Variants in PCDHGA8 observed in about 807,000 individuals in gnomAD.
The protein encoded by PCDHGA8 is protocadherin gamma subfamily A, 8.
Under a neutral mutation model 59.2 loss-of-function variants are expected in PCDHGA8, and 45 were observed. The observed-to-expected ratio is 0.76, with a 90% CI of 0.60 to 0.98. The LOEUF is 0.98. Ranked by LOEUF, PCDHGA8 falls within the 50% of genes least tolerant of loss-of-function variation. PCDHGA8 has a pLI of 0.00. For synonymous variants in PCDHGA8, 531 were observed against 519.0 expected (o/e 1.02, Z -0.32); for missense variants, 1,257 against 1,196.2 (o/e 1.05, Z -0.75).
intron 1 of PCDHGA8, among the ~76,000 whole-genome samples, chr5:141,436,477 G>A (rs748354852): frequency 1.3e-5 from 2 of 152,168 alleles, no homozygotes; most frequent in Non-Finnish European, 2.9e-5. Context: ...ATGTATCATA[G>A]AAGGATAGCA....
intron 1 of PCDHGA8, chr5:141,416,339 A>T (rs2096016775): frequency 6.6e-6 from 1 of 152,218 alleles, no homozygotes; most frequent in African/African-American, 2.4e-5. Context: ...TCATTGCTCA[A>T]TAGGGATCCT....
chr5:141,409,164 C>G (rs115772303), intron 1 of PCDHGA8: 18 of 1,613,792 alleles, frequency 1.1e-5, no homozygotes, highest in Non-Finnish European at 1.4e-5. Flanking sequence ...GAAGTGGAAG[C>G]GAAGGACGGA....
intron 1 of PCDHGA8, chr5:141,410,843 C>CTT: frequency 4.6e-6 from 1 of 216,280 alleles, no homozygotes; most frequent in South Asian, 8.0e-5. Flanking sequence ...GATATTTTGT[C>CTT]TTTGTCTTTT....
chr5:141,465,546 T>C (rs572856697), intron 1 of PCDHGA8, among the ~76,000 whole-genome samples: 1 of 152,338 alleles, frequency 6.6e-6, no homozygotes, highest in South Asian at 2.1e-4. Context: ...GCATTTTTTC[T>C]GCTGAAGCTT....
Position 141,487,491 on chromosome 5 carries a change from C to T in PCDHGA8, c.2425-7316C>T. ...GTGGGAGGCCACTCTCATGGCTGTA[C>T]ACCCTTGGCTTCTGCACCCACTCGG... is the stretch of plus-strand genomic sequence containing the variant. On this transcript the variant is annotated intron_variant, in intron 1 of 3. Transcript: ENST00000398604. This position sits in a 1 kb window ranked among gnomAD's most constrained non-coding sequence, Gnocchi z 5.0. 6.2e-7 allele frequency: 1 copy of T among 1,614,204 alleles called. No individual in the cohort carries two copies. Among genetic ancestry groups the T allele is most frequent in the Non-Finnish European group, 8.5e-7 (1 of 1,180,034 alleles).
At position 141,465,539 on chromosome 5, in the gene PCDHGA8, T is replaced by C. The variant is rs2099105222; in HGVS notation, c.2425-29268T>C. On this transcript the variant is annotated intron_variant, in intron 1 of 3. Transcript: ENST00000398604. ...GATTCTGGGGAAGTTTTCCCAGGCA[T>C]TTTTTCTGCTGAAGCTTTGGTAACT... Among the ~76,000 whole-genome samples the C allele has an allele frequency of 2.0e-5, 3 of 152,178 alleles. No homozygotes were observed. In the South Asian group the frequency reaches 6.2e-4, roughly 32 times the overall value.
intron 1 of PCDHGA8, among the ~76,000 whole-genome samples, chr5:141,467,421 G>T (rs957302311): frequency 6.6e-6 from 1 of 152,100 alleles, no homozygotes; most frequent in African/African-American, 2.4e-5. Flanking sequence ...CCACACCTAG[G>T]TTATAGAAAC....
intron 2 of PCDHGA8, among the ~76,000 whole-genome samples, chr5:141,497,553 T>G (rs2099777684): frequency 6.6e-6 from 1 of 151,326 alleles, no homozygotes; most frequent in Non-Finnish European, 1.5e-5. Flanking sequence ...TTTTTTTTTT[T>G]TTTTTAGACA....
At chr5:141,510,910 A>T (rs780792326) in intron 3 of PCDHGA8, 37 bp from the exon 4 acceptor site, 1 of 1,613,740 alleles carries the variant, frequency 6.2e-7, no homozygotes, top group East Asian at 2.2e-5. Flanking sequence ...GAGGACCCTA[A>T]GTTTAGCTCC....
At chr5:141,468,737 G>A (rs1288031024) in intron 1 of PCDHGA8, among the ~76,000 whole-genome samples, 1 of 151,948 alleles carries the variant, frequency 6.6e-6, no homozygotes, top group African/African-American at 2.4e-5. Context: ...GTGGTGGCGG[G>A]TGCCTGTAGT....
intron 1 of PCDHGA8, chr5:141,413,731 G>A (rs1008251304): frequency 6.2e-7 from 1 of 1,613,454 alleles, no homozygotes; most frequent in South Asian, 1.1e-5. Context: ...CTCCCTAAGA[G>A]TTCAGAGCCG....
At chr5:141,430,331 T>C (rs1266364984) in intron 1 of PCDHGA8, among the ~76,000 whole-genome samples, 2 of 150,984 alleles carry the variant, frequency 1.3e-5, no homozygotes, top group Non-Finnish European at 2.9e-5. Context: ...TCATTGTTTA[T>C]AGAAACTTCC....
rs758879836 is a variant in PCDHGA8 at position 141,400,006 on chromosome 5, G to A, written c.2424+4769G>A. 3 of 1,612,536 alleles carry A rather than the reference G, an allele frequency of 1.9e-6. No homozygotes were observed. The South Asian group carries it at 3.3e-5, about 18-fold the overall frequency. On this transcript the variant is annotated intron_variant, in intron 1 of 3. Coordinates refer to ENST00000398604, the MANE Select transcript of PCDHGA8 (RefSeq NM_032088.2). ...CACAGGAGAGGTGCGCACAGCGCGT[G>A]CCTTGGGCGACAGGGACGCGGCCCG...
Position 141,486,558 on chromosome 5 carries a change from T to C in PCDHGA8, c.2425-8249T>C, listed in dbSNP as rs544575797. 1 of 1,614,034 alleles carries C rather than the reference T, an allele frequency of 6.2e-7. No homozygotes were observed. Among genetic ancestry groups the C allele is most frequent in the Non-Finnish European group, 8.5e-7 (1 of 1,180,012 alleles). ...TCTTTCTTTCAGAGGTCACATGAGG[T>C]GTTTGTTCCTGAGAACAATCGCCCA... On this transcript the variant is annotated intron_variant, in intron 1 of 3. Coordinates refer to ENST00000398604, the MANE Select transcript of PCDHGA8 (RefSeq NM_032088.2). This position sits in a 1 kb window ranked among gnomAD's most constrained non-coding sequence, Gnocchi z 5.0.
rs549557253 is a variant in PCDHGA8 at position 141,503,310 on chromosome 5, T to C, written c.2484-2083T>C. 2.6e-5 allele frequency among the ~76,000 whole-genome samples: 4 copies of C among 152,176 alleles called. No homozygotes were observed. The East Asian group carries it at 7.7e-4, about 29-fold the overall frequency. On this transcript the variant is annotated intron_variant, in intron 2 of 3. Coordinates refer to ENST00000398604, the MANE Select transcript of PCDHGA8 (RefSeq NM_032088.2). ...TACATAGAAATTGCTCAAGAAAGAA[T>C]TGTTGGAGGGGCGCGGTGGCTCACG...
Position 141,511,202 on chromosome 5 carries a change from C to A in PCDHGA8, c.*29C>A. On this transcript the variant is annotated 3_prime_UTR_variant, in exon 4 of 4. Transcript: ENST00000398604. ...GGAGGCCAGGCCAAGAGCCACAGGG[C>A]GGCCTCTCCCCAACCAGCCCAGCTT... The A allele has an allele frequency of 6.2e-7, 1 of 1,612,136 alleles. No individual in the cohort carries two copies.
At chr5:141,423,033 C>A (rs2096701827) in intron 1 of PCDHGA8, 2 of 1,614,102 alleles carry the variant, frequency 1.2e-6, no homozygotes, top group Non-Finnish European at 1.7e-6. Flanking sequence ...CAGGCCAGAA[C>A]GCCTGGCTGT....
At chr5:141,502,008 C>T (rs753492460) in intron 2 of PCDHGA8, among the ~76,000 whole-genome samples, 6 of 152,086 alleles carry the variant, frequency 3.9e-5, no homozygotes, top group Non-Finnish European at 8.8e-5. Context: ...AACCCGCATG[C>T]TCTCCTCCCT....
At chr5:141,430,948 A>C (rs753305931) in intron 1 of PCDHGA8, 47 of 1,609,938 alleles carry the variant, frequency 2.9e-5, no homozygotes, top group Non-Finnish European at 4.0e-5. Context: ...CGGAGCGCGG[A>C]GTCCGCATCA....
Sources: gnomAD v4.1 joint callset for allele counts (sites outside exome capture counted in the v4.1 genomes callset) on GRCh38, gnomAD v4.1.1 for gene constraint, Gnocchi (gnomAD v3.1) non-coding constraint, MANE v1.5 for transcripts, NCBI Gene and HGNC (gene_info 2026-07-23, HGNC 2026-07-21) for gene names.